The following XRCC4 variants were observed in gnomAD, a reference collection of about 807,000 sequenced individuals.
XRCC4 encodes the protein DNA repair protein XRCC4.
A neutral mutation model predicts 39.1 loss-of-function variants in XRCC4; 28 were observed. That is an observed-to-expected ratio of 0.72 (90% CI 0.53 to 0.98). The LOEUF (loss-of-function observed/expected upper bound fraction) is 0.98. XRCC4 is among the 50% of genes least tolerant of loss of function. The pLI is 0.00. For missense variants in XRCC4, 350 were observed against 376.4 expected (o/e 0.93, Z 0.58); for synonymous variants, 123 against 126.4 (o/e 0.97, Z 0.18).
intron 7 of XRCC4, among the ~76,000 whole-genome samples, chr5:83,293,197 T>G (rs1252811647): frequency 6.6e-6 from 1 of 151,984 alleles, no homozygotes; most frequent in East Asian, 1.9e-4. Context: ...TACTCTTTCT[T>G]ATTTACTGCC....
At chr5:83,304,922 C>T (rs977685097) in intron 7 of XRCC4, among the ~76,000 whole-genome samples, 1 of 152,030 alleles carries the variant, frequency 6.6e-6, no homozygotes, top group African/African-American at 2.4e-5. Context: ...CAAACAAACT[C>T]TCATGTCTTG....
chr5:83,255,504 A>G (rs1753504929), intron 6 of XRCC4, among the ~76,000 whole-genome samples: 1 of 152,228 alleles, frequency 6.6e-6, no homozygotes, highest in Non-Finnish European at 1.5e-5. Flanking sequence ...GGCCAGAAGT[A>G]CTTGGTCACA....
At chr5:83,113,516 T>C (rs1198893385) in intron 3 of XRCC4, among the ~76,000 whole-genome samples, 1 of 152,182 alleles carries the variant, frequency 6.6e-6, no homozygotes, top group Non-Finnish European at 1.5e-5. Context: ...GGACTCTGTA[T>C]AGGGGCTCCA....
chr5:83,364,880 G>T, the XRCC4 span, among the ~76,000 whole-genome samples: 1 of 152,212 alleles, frequency 6.6e-6, no homozygotes, highest in Non-Finnish European at 1.5e-5. Context: ...TTACAAGGTG[G>T]CTGAAGTGCA....
chr5:83,127,943 T>A (rs189897836), intron 3 of XRCC4, among the ~76,000 whole-genome samples: 45 of 152,068 alleles, frequency 3.0e-4, no homozygotes, highest in Non-Finnish European at 5.3e-4. Flanking sequence ...TTTGTTAGTT[T>A]GTTTGTTTGT....
intron 6 of XRCC4, among the ~76,000 whole-genome samples, chr5:83,225,343 A>C (rs923384872): frequency 1.3e-5 from 2 of 151,920 alleles, no homozygotes; most frequent in African/African-American, 2.4e-5. Flanking sequence ...GTGGGCATTT[A>C]CTTTTTACTT....
chr5:83,222,322 A>G (rs28360181), intron 6 of XRCC4, among the ~76,000 whole-genome samples: 5,759 of 152,254 alleles, frequency 0.038, 358 homozygotes, highest in African/African-American at 0.13. Flanking sequence ...GTGATTTATT[A>G]CAGTCTAATA....
chr5:83,311,300 CAG>C (rs1755702343), intron 7 of XRCC4, among the ~76,000 whole-genome samples: 1 of 151,994 alleles, frequency 6.6e-6, no homozygotes. Flanking sequence ...AAAAGATCAC[CAG>C]GGGACTATAA....
the XRCC4 span, among the ~76,000 whole-genome samples, chr5:83,367,858 G>A: frequency 6.6e-6 from 1 of 151,752 alleles, no homozygotes; most frequent in Admixed American, 6.6e-5. Flanking sequence ...CTCCCAAAGT[G>A]CTGGGATTAC....
chr5:83,285,001 A>G (rs981406747), intron 7 of XRCC4, among the ~76,000 whole-genome samples: 2 of 152,128 alleles, frequency 1.3e-5, no homozygotes, highest in Admixed American at 6.6e-5. Context: ...AAAAATTAGG[A>G]TAGTGAGATT....
intron 3 of XRCC4, among the ~76,000 whole-genome samples, chr5:83,162,906 AT>A (rs998476005): frequency 6.5e-5 from 8 of 123,704 alleles, no homozygotes; most frequent in African/African-American, 8.9e-5. Flanking sequence ...CATTAGCTTT[AT>A]TTTTTTTTCC....
chr5:83,264,883 C>T (rs1029930876), intron 7 of XRCC4, among the ~76,000 whole-genome samples: 3 of 152,132 alleles, frequency 2.0e-5, no homozygotes, highest in Non-Finnish European at 4.4e-5. Flanking sequence ...ACATATATTA[C>T]ACATACATGT....
intron 1 of XRCC4, among the ~76,000 whole-genome samples, chr5:83,099,832 G>A (rs1272504471): frequency 3.3e-5 from 5 of 152,092 alleles, no homozygotes; most frequent in African/African-American, 7.2e-5. Context: ...ATTCCACCCC[G>A]TTTCTTCAAG....
At chr5:83,260,576 A>T (rs1313871043) in intron 7 of XRCC4, among the ~76,000 whole-genome samples, 1 of 152,076 alleles carries the variant, frequency 6.6e-6, no homozygotes, top group Non-Finnish European at 1.5e-5. Flanking sequence ...TTAGGTTGCT[A>T]ACATTTTCTG....
chr5:83,166,376 C>T (rs763061308), intron 3 of XRCC4, among the ~76,000 whole-genome samples: 9 of 152,042 alleles, frequency 5.9e-5, no homozygotes, highest in Admixed American at 2.0e-4. Context: ...TCTGTTTTTA[C>T]GTCTTTGAGG....
In XRCC4 at chr5:83,192,458, C is replaced by T. The variant is rs561097993; in HGVS notation, c.316-3312C>T. Among the ~76,000 whole-genome samples, 38 of 151,834 alleles carry T rather than the reference C, an allele frequency of 2.5e-4. No homozygotes were observed. In the East Asian group the frequency reaches 7.0e-3, roughly 28 times the overall value. On this transcript the variant is annotated intron_variant, in intron 3 of 7. Coordinates refer to ENST00000396027, the MANE Select transcript of XRCC4 (RefSeq NM_003401.5). The stretch of plus-strand genomic sequence containing the variant: ...GAGTAGCTGGGACTACAGGCACACG[C>T]CACCACGCCCAGCTAATTTTGTTTT...
intron 3 of XRCC4, among the ~76,000 whole-genome samples, chr5:83,153,894 T>C (rs921107060): frequency 1.4e-4 from 22 of 152,240 alleles, no homozygotes; most frequent in African/African-American, 5.3e-4. Context: ...TAGAAGACAC[T>C]TTTTATTCAC....
rs764085556 is a variant in XRCC4, at chr5:83,168,281, A to G, written c.316-27489A>G. 3.3e-5 allele frequency among the ~76,000 whole-genome samples: 5 copies of G among 152,306 alleles called. No individual in the cohort carries two copies. In the South Asian group the frequency reaches 1.0e-3, roughly 32 times the overall value. On this transcript the variant is annotated intron_variant, in intron 3 of 7. Coordinates refer to ENST00000396027, the MANE Select transcript of XRCC4 (RefSeq NM_003401.5). ...CGTACCAATAATACACTTGAAGGAA[A>G]TAAGTGCTAAGAATAGGGGAGACCA...
At chr5:83,341,044 C>T (rs111644757) in intron 7 of XRCC4, among the ~76,000 whole-genome samples, 30 of 152,080 alleles carry the variant, frequency 2.0e-4, no homozygotes, top group African/African-American at 6.3e-4. Flanking sequence ...GTAATACAGC[C>T]TATTCCAGAA....
Sources: allele counts gnomAD v4.1 joint callset (sites outside exome capture counted in the v4.1 genomes callset), GRCh38; gene constraint gnomAD v4.1.1; transcripts MANE v1.5; gene names NCBI Gene and HGNC (gene_info 2026-07-23, HGNC 2026-07-21).